RASSF4: variants seen among roughly 807,000 people sequenced by gnomAD.
The protein encoded by RASSF4 is Ras association domain family member 4.
RASSF4 carries 38 observed loss-of-function variants against 41.1 expected under a neutral mutation model. That is an observed-to-expected ratio of 0.92 (90% CI 0.71 to 1.21). The LOEUF is 1.21. RASSF4 is among the 50% of genes most tolerant of loss of function. The pLI is 0.00. For missense variants in RASSF4, 414 were observed against 419.4 expected, an observed-to-expected ratio of 0.99 and a Z score of 0.11; for synonymous variants, 179 against 163.4, an observed-to-expected ratio of 1.10 and a Z score of -0.73.
chr10:44,982,607 G>T lies in RASSF4; in HGVS notation c.225G>T (p.Arg75=). The change falls in exon 4 of 11, where the codon CGG becomes CGT. Residue 75 remains arginine, a synonymous_variant. Coordinates refer to ENST00000340258, the MANE Select transcript of RASSF4 (RefSeq NM_032023.4). The stretch of plus-strand genomic sequence containing the variant: ...TCCGGCTGCAGATGCAGGATGACCG[G>T]GAGCAGGTGCACCTCCCCTCCACCT... ...RPIRLQMQDD[R]EQVHLPSTSW... 1 of 1,613,094 alleles carries T rather than the reference G, an allele frequency of 6.2e-7. No individual in the cohort carries two copies.
chr10:44,967,688 A>G (rs1215296803), intron 1 of RASSF4, among the ~76,000 whole-genome samples: 3 of 152,170 alleles, frequency 2.0e-5, no homozygotes, highest in African/African-American at 7.2e-5. Flanking sequence ...TTATTCAGCA[A>G]TTTAACAACC....
chr10:44,992,877 T>TG (rs961885594), intron 10 of RASSF4, among the ~76,000 whole-genome samples: 1 of 152,118 alleles, frequency 6.6e-6, no homozygotes, highest in Non-Finnish European at 1.5e-5. Flanking sequence ...GAAAGGGATC[T>TG]GGGGGGCAAC....
At chr10:44,986,180 A>C (rs1841914113) in intron 6 of RASSF4, among the ~76,000 whole-genome samples, 1 of 152,190 alleles carries the variant, frequency 6.6e-6, no homozygotes, top group African/African-American at 2.4e-5. Context: ...TTCCTTACCA[A>C]AAAAAGGGTG....
intron 1 of RASSF4, among the ~76,000 whole-genome samples, chr10:44,963,469 A>G (rs1239815910): frequency 2.0e-5 from 3 of 152,262 alleles, no homozygotes; most frequent in African/African-American, 7.2e-5. Flanking sequence ...TTAAAGCTTC[A>G]TTGTCCTCTG....
chr10:44,979,595 A>G (rs947815833), intron 3 of RASSF4, among the ~76,000 whole-genome samples: 7 of 151,974 alleles, frequency 4.6e-5, no homozygotes, highest in African/African-American at 1.7e-4. Flanking sequence ...AAGAGCAGAT[A>G]TTGGAGCAGA....
Position 44,982,555 on chromosome 10 carries a change from A to C in RASSF4, c.173A>C (p.Asn58Thr). Residue 58 changes from asparagine (N) to threonine (T), a missense_variant, in exon 4 of 11, where the codon AAC becomes ACC. By Grantham distance (65) the Asn-to-Thr change is moderately conservative. Coordinates refer to ENST00000340258, the MANE Select transcript of RASSF4 (RefSeq NM_032023.4). The stretch of plus-strand genomic sequence containing the variant: ...ACTCTGATCATCGAGGGGCTCCTCA[A>C]CATTGCCTGGGGGCTGAGGCGGCCC... ...EGTLIIEGLL[N>T]IAWGLRRPIR... The C allele has an allele frequency of 6.2e-7, 1 of 1,612,654 alleles. No individual in the cohort carries two copies. The highest frequency in any genetic ancestry group is 8.5e-7 in the Non-Finnish European group (1 of 1,179,290).
chr10:44,981,597 T>C (rs1369621660), intron 3 of RASSF4: 1 of 152,222 alleles, frequency 6.6e-6, no homozygotes, highest in African/African-American at 2.4e-5. Context: ...TAGGAGTGTG[T>C]AGTTTCGAGA....
chr10:44,966,744 AAGAAACC>A (rs1840917721), intron 1 of RASSF4, among the ~76,000 whole-genome samples: 1 of 152,148 alleles, frequency 6.6e-6, no homozygotes, highest in Admixed American at 6.5e-5. Context: ...GAGGTCCTAG[AAGAAACC>A]TAGGTCGAAT....
rs79203354 is a variant in RASSF4, at chr10:44,969,515, G to A, written c.-38-650G>A. On this transcript the variant is annotated intron_variant, in intron 1 of 10. Coordinates refer to ENST00000340258, the MANE Select transcript of RASSF4 (RefSeq NM_032023.4). ...AGGTACTAAGAGACCAGAATCAGGG[G>A]TCCAAATGCTTGTGCTGGAACAGTG... Among the ~76,000 whole-genome samples, 104 of 152,328 alleles carry A rather than the reference G, an allele frequency of 6.8e-4. 4 individuals are homozygous for A. In the East Asian group the frequency reaches 8.3e-3, roughly 12 times the overall value.
chr10:44,981,521 G>T (rs1841707745), intron 3 of RASSF4: 1 of 152,228 alleles, frequency 6.6e-6, no homozygotes, highest in African/African-American at 2.4e-5. Flanking sequence ...ATTAAATGTT[G>T]GTTGAGATGG....
intron 5 of RASSF4, chr10:44,984,360 CG>C: frequency 1.8e-6 from 1 of 556,872 alleles, no homozygotes; most frequent in Non-Finnish European, 3.2e-6. Context: ...CTGAGTCCCC[CG>C]CCCTGTGTGT....
chr10:44,977,743 C>T (rs778171132), intron 3 of RASSF4: 3 of 1,603,538 alleles, frequency 1.9e-6, no homozygotes, highest in Non-Finnish European at 2.6e-6. Context: ...CAGCCATGGG[C>T]AGTGTGGGCT....
At chr10:44,977,534 G>A (rs145268579) in intron 3 of RASSF4, 48 of 1,613,358 alleles carry the variant, frequency 3.0e-5, no homozygotes, top group African/African-American at 6.7e-5. Flanking sequence ...CCCATCCTGC[G>A]GTGGTCTTGC....
At position 44,989,325 on chromosome 10, in the gene RASSF4, A is replaced by G. The variant is rs757714471; in HGVS notation, c.583A>G (p.Ser195Gly). The part of the protein sequence containing the change: ...YGSVTNVRVN[S>G]TMTTLQVLTL... The stretch of plus-strand genomic sequence containing the variant: ...ATCCGTGACCAATGTGAGGGTCAAC[A>G]GCACCATGACAACCCTGCAGGTGCT... Residue 195 changes from serine (S) to glycine (G), a missense_variant, in exon 7 of 11, where the codon AGC becomes GGC. Coordinates refer to ENST00000340258, the MANE Select transcript of RASSF4 (RefSeq NM_032023.4). 1 of 1,614,074 alleles carries G rather than the reference A, an allele frequency of 6.2e-7. No homozygotes were observed. Among genetic ancestry groups the G allele is most frequent in the Non-Finnish European group, 8.5e-7 (1 of 1,179,926 alleles).
At chr10:44,966,532 G>C in intron 1 of RASSF4, among the ~76,000 whole-genome samples, 1 of 152,188 alleles carries the variant, frequency 6.6e-6, no homozygotes, top group East Asian at 1.9e-4. Flanking sequence ...AGTGTGCAAG[G>C]GGGTTGGGAG....
chr10:44,990,836 T>C (rs1455669083), intron 8 of RASSF4, 112 bp from the exon 9 acceptor site: 3 of 1,122,314 alleles, frequency 2.7e-6, no homozygotes, highest in Non-Finnish European at 3.9e-6. Context: ...GAGGTCTGTG[T>C]TCTTAGGGTT....
rs73283447 is a variant in RASSF4 at position 44,992,624 on chromosome 10, G to T, written c.905+622G>T. ...AAGTGAAGTGTGGTCCAGGACTTGT[G>T]GAGGGCACCCCACCAGGGCTGGTGG... is the stretch of plus-strand genomic sequence containing the variant. On this transcript the variant is annotated intron_variant, in intron 10 of 10. Transcript: ENST00000340258. Among the ~76,000 whole-genome samples the T allele has an allele frequency of 3.7e-3, 563 of 152,264 alleles. 6 individuals are homozygous for T. The highest frequency in any genetic ancestry group is 0.013 in the African/African-American group (530 of 41,536).
intron 3 of RASSF4, chr10:44,978,631 G>C (rs41301595): frequency 0.014 from 2,066 of 152,504 alleles, 14 homozygotes; most frequent in Non-Finnish European, 0.019. Context: ...GAGCTGAGGA[G>C]GTCTGGGGGT....
chr10:44,991,335 T>C, intron 9 of RASSF4: 1 of 354,024 alleles, frequency 2.8e-6, no homozygotes, highest in Non-Finnish European at 5.1e-6. Context: ...AGTAAAGTCT[T>C]TTCCTTCATT....
Sources: allele counts gnomAD v4.1 joint callset (sites outside exome capture counted in the v4.1 genomes callset), GRCh38; gene constraint gnomAD v4.1.1; transcripts MANE v1.5; gene names NCBI Gene and HGNC (gene_info 2026-07-23, HGNC 2026-07-21).